SSBP3: variants seen among roughly 807,000 people sequenced by gnomAD.
SSBP3 encodes single stranded DNA binding protein 3, also known as single-stranded DNA-binding protein 3.
A neutral mutation model predicts 69.6 loss-of-function variants in SSBP3; 5 were observed. The observed-to-expected ratio is 0.07, with a 90% confidence interval of 0.04 to 0.15. SSBP3 has a LOEUF of 0.15. Among genes scored for constraint, SSBP3 ranks in the 10% least tolerant of loss-of-function variants. The pLI is 1.00. For synonymous variants in SSBP3, 196 were observed against 193.4 expected, an observed-to-expected ratio of 1.01 and a Z score of -0.11; for missense variants, 312 against 534.0, an observed-to-expected ratio of 0.58 and a Z score of 4.10.
At chr1:54,393,019 GA>G (rs2100774074) in intron 4 of SSBP3, among the ~76,000 whole-genome samples, 1 of 152,240 alleles carries the variant, frequency 6.6e-6, no homozygotes, top group African/African-American at 2.4e-5. Context: ...GGCAGGGGAG[GA>G]AAAAACCCTC....
In SSBP3 at chr1:54,404,810, G is replaced by GGA. The variant is rs751507316; in HGVS notation, c.129+47_129+48insTC. The GGA allele has an allele frequency of 5.3e-3, 3,877 of 729,788 alleles. 55 individuals are homozygous for GGA. Among genetic ancestry groups the GGA allele is most frequent in the Non-Finnish European group, 7.1e-3 (3,536 of 496,034 alleles). The allele number at this position is 729,788 out of a possible 1,614,324, so 45.2% of individuals were successfully genotyped here. A position where few individuals can be genotyped will look rare whatever the true frequency, so the allele number is the denominator to read the frequency against. ...GAAAACAAAGGCTCTAAGAATAGTGGGGGGGGGGGGTGTCAAGAAATTGGA... is the reference window on the plus strand; with the variant it reads ...GAAAACAAAGGCTCTAAGAATAGTGGGAGGGGGGGGGGTGTCAAGAAATTGGA... On this transcript the variant is annotated intron_variant, in intron 2 of 17. Coordinates refer to ENST00000610401, the Ensembl canonical transcript of SSBP3.
At chr1:54,305,418 G>C (rs966866503) in intron 4 of SSBP3, among the ~76,000 whole-genome samples, 1 of 152,074 alleles carries the variant, frequency 6.6e-6, no homozygotes, top group African/African-American at 2.4e-5. Flanking sequence ...TACCAACTTA[G>C]ATCCATCTAT....
In SSBP3 at chr1:54,369,221, G is replaced by GC. The variant is rs1043753914; in HGVS notation, c.276+32639_276+32640insG. ...ATGGGAAAAAGTCCTCTTGAGTCGG[G>GC]GGGGGGGCCCAAGCCAGGCTCCCTG... On this transcript the variant is annotated intron_variant, in intron 4 of 17. Coordinates refer to ENST00000610401, the Ensembl canonical transcript of SSBP3. 1.7e-4 allele frequency among the ~76,000 whole-genome samples: 25 copies of GC among 150,626 alleles called. No individual in the cohort carries two copies. The South Asian group carries it at 3.4e-3, about 20-fold the overall frequency.
At chr1:54,366,360 C>T (rs1485535714) in intron 4 of SSBP3, among the ~76,000 whole-genome samples, 1 of 152,144 alleles carries the variant, frequency 6.6e-6, no homozygotes, top group Non-Finnish European at 1.5e-5. Context: ...ACATAGTTAC[C>T]TCTCAACAGT....
At chr1:54,343,899 A>G (rs936039872) in intron 4 of SSBP3, among the ~76,000 whole-genome samples, 1 of 152,248 alleles carries the variant, frequency 6.6e-6, no homozygotes, top group Non-Finnish European at 1.5e-5. Flanking sequence ...ACTAGCAGGG[A>G]AGTGTGTTAA....
At chr1:54,294,155 A>G (rs867571097) in intron 4 of SSBP3, among the ~76,000 whole-genome samples, 1 of 101,458 alleles carries the variant, frequency 9.9e-6, no homozygotes, top group Non-Finnish European at 2.2e-5. Flanking sequence ...AAAAAAAAAA[A>G]AAAAAAAGAA....
intron 4 of SSBP3, among the ~76,000 whole-genome samples, chr1:54,294,154 AAAAAAAAAGAAAGAAAG>A (rs1328245048): frequency 3.0e-5 from 3 of 101,304 alleles, no homozygotes; most frequent in Non-Finnish European, 6.6e-5. Context: ...AAAAAAAAAA[AAAAAAAAAGAAAGAAAG>A]AAAGAAAGAA....
chr1:54,412,307 C>T (rs1391582457), intron 1 of SSBP3, among the ~76,000 whole-genome samples: 1 of 151,800 alleles, frequency 6.6e-6, no homozygotes, highest in Non-Finnish European at 1.5e-5. Context: ...CCAGCCAGGG[C>T]GACAGAACGA....
intron 10 of SSBP3, 141 bp downstream of exon 10, chr1:54,243,094 A>G: frequency 1.3e-6 from 1 of 789,628 alleles, no homozygotes; most frequent in Non-Finnish European, 2.2e-6. Flanking sequence ...AGGATCATCA[A>G]TATCCTCACA....
At chr1:54,282,074 A>T (rs111961286) in intron 4 of SSBP3, among the ~76,000 whole-genome samples, 510 of 125,028 alleles carry the variant, frequency 4.1e-3, no homozygotes, top group Admixed American at 9.3e-3. Flanking sequence ...ATAATAATAA[A>T]AAAATGGGGG....
intron 4 of SSBP3, among the ~76,000 whole-genome samples, chr1:54,336,660 T>C (rs1210014600): frequency 6.6e-6 from 1 of 152,226 alleles, no homozygotes; most frequent in Non-Finnish European, 1.5e-5. Flanking sequence ...CCATTTTGTT[T>C]TGTCTGCTCA....
intron 4 of SSBP3, among the ~76,000 whole-genome samples, chr1:54,318,047 C>T (rs1213965467): frequency 1.3e-5 from 2 of 152,186 alleles, no homozygotes; most frequent in Non-Finnish European, 2.9e-5. Context: ...GGATTAAAGG[C>T]GTGAGCCACT....
chr1:54,283,724 C>T (rs145655363), intron 4 of SSBP3, among the ~76,000 whole-genome samples: 5 of 152,348 alleles, frequency 3.3e-5, no homozygotes, highest in Non-Finnish European at 5.9e-5. Context: ...ATCCTGCTAA[C>T]CATCCTGTAA....
intron 4 of SSBP3, among the ~76,000 whole-genome samples, chr1:54,398,526 C>T (rs1649059049): frequency 6.6e-6 from 1 of 152,238 alleles, no homozygotes; most frequent in African/African-American, 2.4e-5. Flanking sequence ...CAGGACACCT[C>T]TGGGCACACA....
chr1:54,248,454 A>G (rs961272424), intron 9 of SSBP3, among the ~76,000 whole-genome samples: 7 of 152,232 alleles, frequency 4.6e-5, no homozygotes, highest in Admixed American at 3.3e-4. Context: ...TGCAGATGAC[A>G]GACTGGAGGC....
At chr1:54,358,753 C>T (rs546259795) in intron 4 of SSBP3, among the ~76,000 whole-genome samples, 1 of 152,234 alleles carries the variant, frequency 6.6e-6, no homozygotes, top group South Asian at 2.1e-4. Flanking sequence ...GCAGTGTGTC[C>T]CCACCTACGC....
At chr1:54,228,818 C>T in exon 15 of SSBP3, 1 of 1,611,898 alleles carries the variant, frequency 6.2e-7, no homozygotes, top group Non-Finnish European at 8.5e-7. Context: ...AGCCGGGACC[C>T]ATCGGGAACT....
At chr1:54,404,978 C>G in intron 1 of SSBP3, 48 bp from the exon 2 acceptor site, 1 of 1,533,316 alleles carries the variant, frequency 6.5e-7, no homozygotes, top group Non-Finnish European at 9.0e-7. Flanking sequence ...GGCGTCAGAT[C>G]CCACCGGCGC....
exon 18 of SSBP3, chr1:54,225,779 A>G (rs1007232928): frequency 1.3e-5 from 2 of 155,684 alleles, no homozygotes; most frequent in African/African-American, 4.8e-5. Context: ...GAGTGGGGCC[A>G]TGAGCACCCT....
Sources: gnomAD v4.1 joint callset for allele counts (sites outside exome capture counted in the v4.1 genomes callset) on GRCh38, gnomAD v4.1.1 for gene constraint, MANE v1.5 for transcripts, NCBI Gene and HGNC (gene_info 2026-07-23, HGNC 2026-07-21) for gene names.